TTC23: variants seen among roughly 807,000 people sequenced by gnomAD.
The protein encoded by TTC23 is tetratricopeptide repeat domain 23, also known as tetratricopeptide repeat protein 23.
Under a neutral mutation model 55.1 loss-of-function variants are expected in TTC23, and 58 were observed. That is an observed-to-expected ratio of 1.05 (90% CI 0.85 to 1.31). TTC23 has a LOEUF of 1.31. TTC23 is among the 50% of genes most tolerant of loss of function. The pLI is 0.00. For missense variants in TTC23, 516 were observed against 534.4 expected (o/e 0.97, Z 0.34); for synonymous variants, 203 against 199.9 (o/e 1.02, Z -0.13).
At chr15:99,250,450 A>G (rs571290190), upstream of TTC23, among the ~76,000 whole-genome samples, 2 of 152,346 alleles carry the variant, frequency 1.3e-5, no homozygotes, top group East Asian at 3.9e-4. Context: ...AAGTTCCTTG[A>G]CAAGGAGCCT....
chr15:99,171,800 G>A (rs1005510061), intron 10 of TTC23, among the ~76,000 whole-genome samples: 6 of 151,864 alleles, frequency 4.0e-5, no homozygotes, highest in African/African-American at 1.5e-4. Context: ...TCTATCTCTT[G>A]ACCTCGTGAT....
intron 9 of TTC23, among the ~76,000 whole-genome samples, chr15:99,194,859 T>C (rs890496012): frequency 6.6e-6 from 1 of 152,170 alleles, no homozygotes; most frequent in Non-Finnish European, 1.5e-5. Flanking sequence ...TGCTTGAATC[T>C]GGGAGGCAGA....
At chr15:99,220,163 G>A (rs963400614) in intron 6 of TTC23, among the ~76,000 whole-genome samples, 2 of 152,156 alleles carry the variant, frequency 1.3e-5, no homozygotes, top group Non-Finnish European at 2.9e-5. Flanking sequence ...AGACTGCCCA[G>A]GATGGATCCC....
chr15:99,218,653 T>C lies in TTC23; in HGVS notation c.516A>G (p.Gln172=). The change falls in exon 8 of 14, where the codon CAA becomes CAG. Residue 172 remains glutamine, a synonymous_variant. Coordinates refer to ENST00000394132, the MANE Select transcript of TTC23 (RefSeq NM_001288615.3). Reference sequence around the variant, plus strand: ...ATTCTTCCTTTATAATTCTTCCACATTGTAGCAGCTCCTTTGAAAGTCTCT... The same window carrying C: ...ATTCTTCCTTTATAATTCTTCCACACTGTAGCAGCTCCTTTGAAAGTCTCT... The part of the protein sequence containing the change: ...KAERLSKELL[Q]CGRIIKEEWI... 6.2e-7 allele frequency: 1 copy of C among 1,614,188 alleles called. No homozygotes were observed. The highest frequency in any genetic ancestry group is 8.5e-7 in the Non-Finnish European group (1 of 1,180,020).
At chr15:99,244,691 G>C (rs1186755067) in intron 2 of TTC23, among the ~76,000 whole-genome samples, 1 of 152,042 alleles carries the variant, frequency 6.6e-6, no homozygotes, top group Non-Finnish European at 1.5e-5. Flanking sequence ...TCAATATTAA[G>C]ATAGAATACT....
chr15:99,213,475 G>A (rs1277037197), intron 8 of TTC23, among the ~76,000 whole-genome samples: 1 of 152,220 alleles, frequency 6.6e-6, no homozygotes, highest in Non-Finnish European at 1.5e-5. Context: ...TAGCAACACT[G>A]CTCAATGTTA....
Position 99,228,553 on chromosome 15 carries a change from A to G in TTC23, c.160T>C (p.Ser54Pro). 1.2e-6 allele frequency: 2 copies of G among 1,612,946 alleles called. No individual in the cohort carries two copies. The highest frequency in any genetic ancestry group is 1.7e-4 in the Middle Eastern group (1 of 6,058). Residue 54 changes from serine to proline, a missense_variant, in exon 5 of 14, where the codon TCC (serine) becomes CCC (proline). Transcript: ENST00000394132. ...KLHLCEEKAK[S>P]YSNSHEYKQA... is the part of the protein sequence containing the mutation. ...CTTACCTCATGACTGTTGGAATAGG[A>G]CTTTGCTTTCTCTTCACAGAGGTGG...
intron 9 of TTC23, among the ~76,000 whole-genome samples, chr15:99,197,319 G>A (rs1007179159): frequency 2.0e-5 from 3 of 151,940 alleles, no homozygotes; most frequent in Non-Finnish European, 4.4e-5. Flanking sequence ...AGCCAGGATG[G>A]TCTTGATCTC....
chr15:99,198,531 G>T (rs570572151), intron 9 of TTC23, among the ~76,000 whole-genome samples: 5 of 152,244 alleles, frequency 3.3e-5, no homozygotes, highest in African/African-American at 1.2e-4. Context: ...TAGTTCTATG[G>T]TTGGCACAAC....
At chr15:99,138,490 T>C (rs911128691) in intron 13 of TTC23, among the ~76,000 whole-genome samples, 2 of 152,144 alleles carry the variant, frequency 1.3e-5, no homozygotes, top group African/African-American at 2.4e-5. Context: ...ATTTTTGTAT[T>C]TTTAGTAGAG....
At chr15:99,181,526 G>C (rs2074114540) in intron 9 of TTC23, among the ~76,000 whole-genome samples, 1 of 152,192 alleles carries the variant, frequency 6.6e-6, no homozygotes, top group Non-Finnish European at 1.5e-5. Flanking sequence ...GTCATTGGAG[G>C]TGTGAGCTTG....
Position 99,175,040 on chromosome 15 carries a change from T to G in TTC23, c.865+10A>C. On this transcript the variant is annotated intron_variant, in intron 10 of 13. Transcript: ENST00000394132. Reference sequence around the variant, plus strand: ...CCTGTGAGACAGGAAGAGAAAAGGATTCTTCTCACCATGGTGCTCGTGTCT... The same window carrying G: ...CCTGTGAGACAGGAAGAGAAAAGGAGTCTTCTCACCATGGTGCTCGTGTCT... 1 of 1,612,480 alleles carries G rather than the reference T, an allele frequency of 6.2e-7. No individual in the cohort carries two copies. The highest frequency in any genetic ancestry group is 8.5e-7 in the Non-Finnish European group (1 of 1,178,858).
chr15:99,157,833 C>T (rs1261878838), intron 11 of TTC23: 2 of 152,216 alleles, frequency 1.3e-5, no homozygotes, highest in East Asian at 3.8e-4. Flanking sequence ...TAAAGTATGT[C>T]AATCCTCCAT....
intron 12 of TTC23, chr15:99,151,495 G>A (rs1446939344): frequency 3.9e-5 from 6 of 152,360 alleles, no homozygotes; most frequent in Non-Finnish European, 8.8e-5. Context: ...AAGATGTGCA[G>A]AGAGGAGCAA....
At chr15:99,149,891 G>A (rs1355218418) in intron 12 of TTC23, among the ~76,000 whole-genome samples, 2 of 152,182 alleles carry the variant, frequency 1.3e-5, no homozygotes, top group East Asian at 1.9e-4. Context: ...GTCCTGTTCA[G>A]CCCTGCTCAA....
intron 9 of TTC23, among the ~76,000 whole-genome samples, chr15:99,176,820 GAGA>G (rs2073612658): frequency 6.6e-6 from 1 of 152,160 alleles, no homozygotes; most frequent in African/African-American, 2.4e-5. Context: ...CAGCTAATAA[GAGA>G]TAGAGATAAG....
At chr15:99,147,286 C>T (rs1332460103) in intron 12 of TTC23, among the ~76,000 whole-genome samples, 7 of 133,152 alleles carry the variant, frequency 5.3e-5, no homozygotes, top group Non-Finnish European at 1.1e-4. Context: ...AGTGCAGCGG[C>T]GCGATCTCAG....
chr15:99,186,660 C>A (rs1047903695), intron 9 of TTC23, among the ~76,000 whole-genome samples: 3 of 151,976 alleles, frequency 2.0e-5, no homozygotes. Context: ...TATTTCTATA[C>A]ATGAATAATT....
At position 99,187,469 on chromosome 15, in the gene TTC23, C is replaced by G. The variant is rs2602017; in HGVS notation, c.760-12314G>C. On this transcript the variant is annotated intron_variant, in intron 9 of 13. Transcript: ENST00000394132. ...AGCACAAGCAAAAAAAAAAAAAAAA[C>G]AAAACAAAAGAAACCCAACATAGAC... 9.1e-4 allele frequency among the ~76,000 whole-genome samples: 101 copies of G among 110,494 alleles called. No individual in the cohort carries two copies. The Middle Eastern group carries it at 0.015, about 16-fold the overall frequency. 72.5% of individuals were successfully genotyped at this position (110,494 alleles called of 152,430 possible).
Sources: allele counts gnomAD v4.1 joint callset (sites outside exome capture counted in the v4.1 genomes callset), GRCh38; gene constraint gnomAD v4.1.1; transcripts MANE v1.5; gene names NCBI Gene and HGNC (gene_info 2026-07-23, HGNC 2026-07-21).